Variants in PDCD6IP observed in about 807,000 individuals in gnomAD.
PDCD6IP encodes programmed cell death 6 interacting protein.
In PDCD6IP, 43 loss-of-function variants were observed where a neutral mutation model predicts 103.7. The ratio of observed to expected loss-of-function variants is 0.41; its 90% CI spans 0.32 to 0.53. The LOEUF is 0.53. Ranked by LOEUF, PDCD6IP falls within the 20% of genes least tolerant of loss-of-function variation. The probability of loss-of-function intolerance (pLI) is 0.16; values close to 1 mark genes in which losing one functional copy is unlikely to be tolerated. For missense variants in PDCD6IP, 871 were observed against 1,036.7 expected, an observed-to-expected ratio of 0.84 and a Z score of 2.20; for synonymous variants, 354 against 378.7, an observed-to-expected ratio of 0.93 and a Z score of 0.76.
intron 1 of PDCD6IP, among the ~76,000 whole-genome samples, chr3:33,807,583 T>C (rs531285947): frequency 3.4e-4 from 52 of 152,302 alleles, no homozygotes; most frequent in Non-Finnish European, 6.6e-4. Flanking sequence ...CAGTAGACTC[T>C]CCCTGAGAAT....
intron 6 of PDCD6IP, among the ~76,000 whole-genome samples, chr3:33,828,204 T>C (rs1037306330): frequency 1.3e-5 from 2 of 152,170 alleles, no homozygotes; most frequent in Admixed American, 6.6e-5. Context: ...ACTTTATCAT[T>C]ATCATTGGTC....
chr3:33,823,675 G>A (rs1198828300), intron 4 of PDCD6IP, among the ~76,000 whole-genome samples: 1 of 152,058 alleles, frequency 6.6e-6, no homozygotes. Flanking sequence ...TGAGCTACTC[G>A]GGAGGCTGAG....
At chr3:33,826,733 T>A (rs1424293961) in intron 6 of PDCD6IP, 153 bp downstream of exon 6, 20 of 1,349,886 alleles carry the variant, frequency 1.5e-5, no homozygotes, top group South Asian at 3.3e-5. Flanking sequence ...TTTTTTTTTT[T>A]AATTTAAGAT....
At chr3:33,831,447 A>G (rs542569643) in intron 7 of PDCD6IP, among the ~76,000 whole-genome samples, 14 of 152,278 alleles carry the variant, frequency 9.2e-5, no homozygotes, top group African/African-American at 2.9e-4. Context: ...AGGGCTTATA[A>G]CATCTAACTT....
intron 3 of PDCD6IP, among the ~76,000 whole-genome samples, chr3:33,814,941 TAC>T (rs1346593764): frequency 6.8e-6 from 1 of 146,774 alleles, no homozygotes; most frequent in Non-Finnish European, 1.5e-5. Flanking sequence ...TATGTATATA[TAC>T]ACATGCATTA....
In PDCD6IP at chr3:33,867,433, T is replaced by TG; in HGVS notation, c.*912dup. ...TACTTCATAATGTAATGGAATTGTT[T>TG]GGGGAACACTTACTGTACCCTCTCA... is the stretch of plus-strand genomic sequence containing the variant. On this transcript the variant is annotated 3_prime_UTR_variant, in exon 18 of 18. Transcript: ENST00000307296. The TG allele has an allele frequency of 3.3e-5, 5 of 152,332 alleles. No individual in the cohort carries two copies. In the Middle Eastern group the frequency reaches 0.014, roughly 415 times the overall value. The allele number at this position is 152,332 out of a possible 1,614,324, so 9.4% of individuals were successfully genotyped here.
intron 16 of PDCD6IP, 93 bp downstream of exon 16, chr3:33,864,222 C>G: frequency 2.6e-6 from 2 of 775,390 alleles, no homozygotes; most frequent in Non-Finnish European, 4.3e-6. Flanking sequence ...TAGGAAGGAT[C>G]TAGTGGTTAC....
intron 9 of PDCD6IP, 101 bp downstream of exon 9, chr3:33,838,428 T>C: frequency 2.7e-6 from 3 of 1,117,030 alleles, no homozygotes; most frequent in Non-Finnish European, 3.9e-6. Flanking sequence ...GTCAAGAGTA[T>C]ATAAAATAGA....
intron 1 of PDCD6IP, among the ~76,000 whole-genome samples, chr3:33,800,012 C>T (rs1018351094): frequency 2.0e-5 from 3 of 146,660 alleles, no homozygotes; most frequent in East Asian, 2.1e-4. Context: ...CCCAGCTACT[C>T]GGGAGGCTGA....
rs756528890 is a variant in PDCD6IP, at chr3:33,866,393, G to A, written c.2475G>A (p.Ala825=). 4.4e-5 allele frequency: 71 copies of A among 1,603,616 alleles called. No individual in the cohort carries two copies. Among genetic ancestry groups the A allele is most frequent in the Admixed American group, 6.9e-5 (4 of 58,182 alleles). The change falls in exon 18 of 18, where the codon GCG becomes GCA. Residue 825 remains alanine (A), a synonymous_variant. Coordinates refer to ENST00000307296, the MANE Select transcript of PDCD6IP (RefSeq NM_013374.6). ...MPMPMGYNPY[A]YGQYNMPYPP... ...TGCCCATGGGCTATAATCCTTATGC[G>A]TATGGCCAGTATAATATGCCATATC...
intron 17 of PDCD6IP, 147 bp downstream of exon 17, chr3:33,865,577 A>C: frequency 1.7e-6 from 1 of 596,990 alleles, no homozygotes; most frequent in Non-Finnish European, 2.8e-6. Flanking sequence ...AATGAAAATA[A>C]TGTTATGGTC....
At chr3:33,836,555 A>G (rs553490304) in intron 8 of PDCD6IP, among the ~76,000 whole-genome samples, 2 of 152,272 alleles carry the variant, frequency 1.3e-5, no homozygotes, top group South Asian at 4.1e-4. Context: ...AGATGCTGCC[A>G]TTAAAAATAA....
At chr3:33,819,823 G>T (rs910849560) in intron 3 of PDCD6IP, among the ~76,000 whole-genome samples, 1 of 152,198 alleles carries the variant, frequency 6.6e-6, no homozygotes, top group African/African-American at 2.4e-5. Context: ...AGCTATTGTA[G>T]ATTCTTTTTT....
intron 11 of PDCD6IP, 76 bp downstream of exon 11, chr3:33,844,299 G>T (rs746358766): frequency 5.5e-6 from 4 of 725,156 alleles, no homozygotes; most frequent in South Asian, 2.5e-5. Flanking sequence ...ATTAAATTAG[G>T]CTCAGTTGTA....
At chr3:33,813,992 G>T (rs1468924233) in intron 3 of PDCD6IP, among the ~76,000 whole-genome samples, 1 of 152,156 alleles carries the variant, frequency 6.6e-6, no homozygotes, top group Non-Finnish European at 1.5e-5. Context: ...TTGAAGGATG[G>T]ATTTGTAGAA....
intron 1 of PDCD6IP, among the ~76,000 whole-genome samples, chr3:33,803,722 A>G (rs903156381): frequency 5.9e-5 from 9 of 152,082 alleles, no homozygotes; most frequent in East Asian, 3.9e-4. Flanking sequence ...AGATTTGCCA[A>G]AGGTTTGGAG....
intron 6 of PDCD6IP, chr3:33,827,109 A>T (rs1412634149): frequency 8.1e-6 from 8 of 985,338 alleles, no homozygotes; most frequent in Non-Finnish European, 9.6e-6. Flanking sequence ...AAGGAAAGCA[A>T]CCATCTTAAA....
At chr3:33,817,598 A>G (rs1300417420) in intron 3 of PDCD6IP, among the ~76,000 whole-genome samples, 2 of 152,000 alleles carry the variant, frequency 1.3e-5, no homozygotes, top group African/African-American at 4.8e-5. Flanking sequence ...ACAAAAAATA[A>G]AAAAATTAGC....
chr3:33,800,334 T>C (rs1264722629), intron 1 of PDCD6IP, among the ~76,000 whole-genome samples: 1 of 152,100 alleles, frequency 6.6e-6, no homozygotes, highest in Non-Finnish European at 1.5e-5. Context: ...GCTTTTCTCC[T>C]TAGCTCTGGT....
Sources: gnomAD v4.1 joint callset for allele counts (sites outside exome capture counted in the v4.1 genomes callset) on GRCh38, gnomAD v4.1.1 for gene constraint, MANE v1.5 for transcripts, NCBI Gene and HGNC (gene_info 2026-07-23, HGNC 2026-07-21) for gene names.